The following RAD51 variants were observed in gnomAD, a reference collection of about 807,000 sequenced individuals.
RAD51 encodes the protein RAD51 recombinase, also known as DNA repair protein RAD51 homolog 1.
A neutral mutation model predicts 41.5 loss-of-function variants in RAD51; 14 were observed. The ratio of observed to expected loss-of-function variants is 0.34; its 90% CI spans 0.22 to 0.53. The LOEUF (loss-of-function observed/expected upper bound fraction) is 0.53, where lower values mean the gene tolerates loss of function less well. RAD51 is among the 20% of genes least tolerant of loss of function. The pLI is 0.95. For synonymous variants in RAD51, 136 were observed against 148.6 expected (o/e 0.92, Z 0.62); for missense variants, 234 against 422.0 (o/e 0.55, Z 3.90).
intron 6 of RAD51, among the ~76,000 whole-genome samples, chr15:40,719,614 C>T (rs1002606581): frequency 6.6e-6 from 1 of 152,098 alleles, no homozygotes; most frequent in Non-Finnish European, 1.5e-5. Context: ...GGGTGGATCA[C>T]GAGGTCAGGA....
intron 3 of RAD51, among the ~76,000 whole-genome samples, chr15:40,704,670 ATT>A (rs34658879): frequency 0.63 from 83,885 of 132,912 alleles, 26,049 homozygotes; most frequent in East Asian, 0.88. Flanking sequence ...TGCCCTACTA[ATT>A]TTTTTTTTTT....
chr15:40,717,107 G>T (rs544710413), intron 5 of RAD51, among the ~76,000 whole-genome samples: 2 of 152,160 alleles, frequency 1.3e-5, no homozygotes, highest in African/African-American at 4.8e-5. Flanking sequence ...GGAGGCCAAG[G>T]TGGGTGAATC....
chr15:40,705,621 T>C (rs1895281838), intron 3 of RAD51, among the ~76,000 whole-genome samples: 2 of 152,184 alleles, frequency 1.3e-5, no homozygotes, highest in Admixed American at 6.5e-5. Context: ...GTTTTGTTTT[T>C]TGAGACAGAG....
chr15:40,727,680 CT>C (rs145536540), intron 6 of RAD51, among the ~76,000 whole-genome samples: 3,985 of 149,528 alleles, frequency 0.027, 168 homozygotes, highest in African/African-American at 0.093. Flanking sequence ...CCTGTTACAT[CT>C]TTTTTTTTTC....
At chr15:40,709,928 C>T (rs555063007) in intron 5 of RAD51, among the ~76,000 whole-genome samples, 4 of 151,684 alleles carry the variant, frequency 2.6e-5, no homozygotes, top group Non-Finnish European at 5.9e-5. Context: ...TTTGGGAGGC[C>T]GAGGCGGGTG....
chr15:40,729,523 A>T lies in RAD51; in HGVS notation c.663A>T (p.Val221=). 6.2e-7 allele frequency: 1 copy of T among 1,614,000 alleles called. No homozygotes were observed. The highest frequency in any genetic ancestry group is 1.3e-5 in the African/African-American group (1 of 75,018). Residue 221 remains valine, a synonymous_variant, in exon 8 of 10, where the codon GTA becomes GTT. Coordinates refer to ENST00000267868, the MANE Select transcript of RAD51 (RefSeq NM_002875.5). ...CCTGTAGGTATGCACTGCTTATTGTAGACAGTGCCACCGCCCTTTACAGAA... is the reference window on the plus strand; with the variant it reads ...CCTGTAGGTATGCACTGCTTATTGTTGACAGTGCCACCGCCCTTTACAGAA... ...MVESRYALLI[V]DSATALYRTD...
At chr15:40,699,936 C>T (rs970832109) in intron 2 of RAD51, among the ~76,000 whole-genome samples, 2 of 151,482 alleles carry the variant, frequency 1.3e-5, no homozygotes, top group African/African-American at 4.9e-5. Flanking sequence ...CCATCTCTGA[C>T]TAATCTTCAA....
intron 5 of RAD51, among the ~76,000 whole-genome samples, chr15:40,712,129 C>T (rs971412109): frequency 2.0e-5 from 3 of 150,178 alleles, no homozygotes; most frequent in Non-Finnish European, 3.0e-5. Context: ...GAAGTTTAAA[C>T]TTGATTTTAT....
chr15:40,709,871 C>T (rs984009484), intron 5 of RAD51, among the ~76,000 whole-genome samples: 2 of 152,040 alleles, frequency 1.3e-5, no homozygotes, highest in African/African-American at 2.4e-5. Context: ...ACTTTAAATT[C>T]AAGATGACAG....
At chr15:40,726,192 A>G (rs561806821) in intron 6 of RAD51, among the ~76,000 whole-genome samples, 1 of 152,098 alleles carries the variant, frequency 6.6e-6, no homozygotes, top group East Asian at 1.9e-4. Context: ...ACAGATTACC[A>G]GGCTCTTCCC....
At chr15:40,709,949 G>T (rs1426202015) in intron 5 of RAD51, among the ~76,000 whole-genome samples, 3 of 151,374 alleles carry the variant, frequency 2.0e-5, no homozygotes, top group African/African-American at 7.3e-5. Context: ...GATCACTTGA[G>T]ATCAAGAGTT....
At chr15:40,730,678 C>A (rs1186555167) in intron 9 of RAD51, among the ~76,000 whole-genome samples, 1 of 151,594 alleles carries the variant, frequency 6.6e-6, no homozygotes, top group East Asian at 2.0e-4. Flanking sequence ...CCCGCCACCA[C>A]ACCTGGCTAA....
At chr15:40,704,854 G>A (rs931749600) in intron 3 of RAD51, among the ~76,000 whole-genome samples, 2 of 151,810 alleles carry the variant, frequency 1.3e-5, no homozygotes, top group South Asian at 2.1e-4. Context: ...ATTTTTAGTA[G>A]AGAGGAAGTT....
chr15:40,713,369 C>T (rs1324313971), intron 5 of RAD51, among the ~76,000 whole-genome samples: 1 of 151,282 alleles, frequency 6.6e-6, no homozygotes, highest in African/African-American at 2.4e-5. Context: ...CTCAGCCTCC[C>T]AAACTGGGAT....
chr15:40,710,147 CAGGAGAATGGCG>C (rs1186311864), intron 5 of RAD51, among the ~76,000 whole-genome samples: 1 of 144,266 alleles, frequency 6.9e-6, no homozygotes, highest in Non-Finnish European at 1.5e-5. Flanking sequence ...GAGGCTGAGG[CAGGAGAATGGCG>C]TGAACCCGGG....
chr15:40,698,593 C>T (rs1263173107), intron 1 of RAD51, among the ~76,000 whole-genome samples, 164 bp from the exon 2 acceptor site: 2 of 151,954 alleles, frequency 1.3e-5, no homozygotes, highest in Non-Finnish European at 2.9e-5. Flanking sequence ...AAACTTGGCC[C>T]CTACACTGAA....
chr15:40,705,453 T>C (rs908422203), intron 3 of RAD51, among the ~76,000 whole-genome samples: 2 of 152,148 alleles, frequency 1.3e-5, no homozygotes, highest in African/African-American at 4.8e-5. Flanking sequence ...AGAGAAAAGA[T>C]TGAAGGGCAA....
At chr15:40,726,040 C>G (rs1296089654) in intron 6 of RAD51, among the ~76,000 whole-genome samples, 1 of 152,040 alleles carries the variant, frequency 6.6e-6, no homozygotes, top group Non-Finnish European at 1.5e-5. Flanking sequence ...CTGATGCTTG[C>G]TAAAGTTTGA....
At position 40,698,856 on chromosome 15, in the gene RAD51, A is replaced by C. The variant is rs899722683; in HGVS notation, c.87+11A>C. ...ATTTCACGGTTAGAGGTATGTGGTT[A>C]GTTGCTAATTTTGGAATTATATACT... On this transcript the variant is annotated intron_variant, in intron 2 of 9. Transcript: ENST00000267868. 1 of 1,611,974 alleles carries C rather than the reference A, an allele frequency of 6.2e-7. No homozygotes were observed. Among genetic ancestry groups the C allele is most frequent in the African/African-American group, 1.3e-5 (1 of 74,912 alleles).
Sources: allele counts gnomAD v4.1 joint callset (sites outside exome capture counted in the v4.1 genomes callset), GRCh38; gene constraint gnomAD v4.1.1; transcripts MANE v1.5; gene names NCBI Gene and HGNC (gene_info 2026-07-23, HGNC 2026-07-21).